PIBF1: variants seen among roughly 807,000 people sequenced by gnomAD.
The protein encoded by PIBF1 is progesterone-induced-blocking factor 1.
In PIBF1, 90 loss-of-function variants were observed where a neutral mutation model predicts 112.5. The observed-to-expected ratio is 0.80, with a 90% CI of 0.67 to 0.95. The LOEUF is 0.95. Among genes scored for constraint, PIBF1 ranks in the 40% least tolerant of loss-of-function variants. The pLI is 0.00. For synonymous variants in PIBF1, 301 were observed against 288.6 expected (o/e 1.04, Z -0.44); for missense variants, 915 against 852.3 (o/e 1.07, Z -0.92).
At chr13:72,786,131 T>C (rs1015587911) in intron 2 of PIBF1, among the ~76,000 whole-genome samples, 5 of 152,212 alleles carry the variant, frequency 3.3e-5, no homozygotes, top group African/African-American at 1.2e-4. Flanking sequence ...GCTTGGTGTA[T>C]ACTAATAATA....
chr13:72,927,935 A>G (rs2138745103), intron 13 of PIBF1, among the ~76,000 whole-genome samples: 1 of 133,120 alleles, frequency 7.5e-6, no homozygotes, highest in South Asian at 2.3e-4. Flanking sequence ...ACCATTTCTA[A>G]TATATGTGTG....
rs1381043242 is a variant in PIBF1, at chr13:72,783,701, A to C, written c.232A>C (p.Lys78Gln). ...GAAAACTATGATGATCGACAATTTG[A>C]AAGTGGATTATCTTACAAAGGTAAG... ...SQKTMMIDNL[K>Q]VDYLTKIEEL... The change falls in exon 2 of 18, where the codon AAA becomes CAA. Residue 78 changes from lysine (K) to glutamine (Q), a missense_variant. By Grantham distance (53) the Lys-to-Gln change is moderately conservative (BLOSUM62 1). Coordinates refer to ENST00000326291, the MANE Select transcript of PIBF1 (RefSeq NM_006346.4). 5.0e-6 allele frequency: 8 copies of C among 1,613,842 alleles called. 1 individual carries two copies. The Admixed American group carries it at 1.0e-4, about 20-fold the overall frequency.
At chr13:72,952,196 G>A (rs2042318825) in intron 14 of PIBF1, among the ~76,000 whole-genome samples, 1 of 151,848 alleles carries the variant, frequency 6.6e-6, no homozygotes, top group East Asian at 1.9e-4. Context: ...TGGGATTACA[G>A]GCACACACCA....
At chr13:72,925,091 A>T (rs951859336) in intron 13 of PIBF1, among the ~76,000 whole-genome samples, 11 of 152,212 alleles carry the variant, frequency 7.2e-5, no homozygotes, top group Admixed American at 2.0e-4. Context: ...GAGATTATAG[A>T]GGGTCTTGAT....
At chr13:72,959,301 T>C (rs2042542251) in intron 14 of PIBF1, among the ~76,000 whole-genome samples, 1 of 152,016 alleles carries the variant, frequency 6.6e-6, no homozygotes, top group African/African-American at 2.4e-5. Context: ...CAGCCAGAAA[T>C]CACTATTTTT....
intron 10 of PIBF1, among the ~76,000 whole-genome samples, chr13:72,864,171 T>C (rs1345238961): frequency 2.0e-5 from 3 of 152,188 alleles, no homozygotes; most frequent in African/African-American, 7.2e-5. Flanking sequence ...CGGATATATA[T>C]TTAAGTGTGT....
chr13:72,868,075 G>A (rs1007237934), intron 10 of PIBF1, among the ~76,000 whole-genome samples: 1 of 152,120 alleles, frequency 6.6e-6, no homozygotes, highest in African/African-American at 2.4e-5. Context: ...TGAGGCAGGA[G>A]GATTACTGGA....
intron 14 of PIBF1, among the ~76,000 whole-genome samples, chr13:72,941,569 G>A (rs1023839634): frequency 2.6e-5 from 4 of 152,116 alleles, no homozygotes; most frequent in Non-Finnish European, 4.4e-5. Context: ...CTGTAAGCAC[G>A]CAGAGATTTA....
At chr13:73,010,810 C>CTTTTTTTTTTTT (rs1176079981) in intron 17 of PIBF1, among the ~76,000 whole-genome samples, 522 of 40,304 alleles carry the variant, frequency 0.013, 151 homozygotes, top group African/African-American at 0.014. Context: ...ATTAACTTTT[C>CTTTTTTTTTTTT]TTTTTTTTTT....
At chr13:72,825,806 C>A (rs775859762) in intron 6 of PIBF1, among the ~76,000 whole-genome samples, 2 of 151,782 alleles carry the variant, frequency 1.3e-5, no homozygotes, top group Non-Finnish European at 2.9e-5. Flanking sequence ...CGTGTCATGT[C>A]TGTAATCCTA....
At chr13:72,944,438 A>G in intron 14 of PIBF1, among the ~76,000 whole-genome samples, 1 of 96,302 alleles carries the variant, frequency 1.0e-5, no homozygotes, top group East Asian at 3.0e-4. Flanking sequence ...TGACAGAGCA[A>G]GACTGTCTAA....
intron 9 of PIBF1, among the ~76,000 whole-genome samples, chr13:72,845,414 C>A (rs1193028041): frequency 6.6e-6 from 1 of 152,054 alleles, no homozygotes; most frequent in Non-Finnish European, 1.5e-5. Context: ...TGGTTCCATG[C>A]CTTTGCTACT....
intron 13 of PIBF1, among the ~76,000 whole-genome samples, chr13:72,920,485 T>G (rs965064883): frequency 6.6e-6 from 1 of 152,224 alleles, no homozygotes; most frequent in Non-Finnish European, 1.5e-5. Context: ...GTCTGATACA[T>G]TTCTGAAGTT....
intron 10 of PIBF1, among the ~76,000 whole-genome samples, chr13:72,868,779 T>C (rs1461052716): frequency 3.4e-5 from 5 of 145,848 alleles, no homozygotes; most frequent in Non-Finnish European, 3.0e-5. Flanking sequence ...AGGCTACGAG[T>C]TTGAAACCAG....
intron 12 of PIBF1, among the ~76,000 whole-genome samples, chr13:72,910,387 C>T (rs1308157475): frequency 6.6e-6 from 1 of 152,160 alleles, no homozygotes; most frequent in African/African-American, 2.4e-5. Context: ...CCATTCCCCT[C>T]CATATCATAT....
chr13:72,802,618 A>G (rs1033804727), intron 5 of PIBF1, among the ~76,000 whole-genome samples: 5 of 152,218 alleles, frequency 3.3e-5, no homozygotes, highest in Non-Finnish European at 5.9e-5. Flanking sequence ...CAGCTGAGAT[A>G]GGTAGGTTGT....
At chr13:72,917,193 T>G (rs1183057906) in intron 13 of PIBF1, 27 bp downstream of exon 13, 1 of 1,342,822 alleles carries the variant, frequency 7.4e-7, no homozygotes, top group Non-Finnish European at 1.0e-6. Flanking sequence ...TTTATTTTAT[T>G]TATCTACTCA....
chr13:72,813,626 C>T (rs982273898), intron 5 of PIBF1, among the ~76,000 whole-genome samples: 2 of 152,202 alleles, frequency 1.3e-5, no homozygotes, highest in African/African-American at 4.8e-5. Flanking sequence ...CATCCTTCAA[C>T]ATGGCAGTCT....
intron 10 of PIBF1, among the ~76,000 whole-genome samples, chr13:72,866,361 A>C (rs1388148123): frequency 1.3e-5 from 2 of 152,090 alleles, no homozygotes; most frequent in Non-Finnish European, 2.9e-5. Flanking sequence ...CTTTTAATTC[A>C]TGTGAATTAT....
Sources: gnomAD v4.1 joint callset for allele counts (sites outside exome capture counted in the v4.1 genomes callset) on GRCh38, gnomAD v4.1.1 for gene constraint, MANE v1.5 for transcripts, NCBI Gene and HGNC (gene_info 2026-07-23, HGNC 2026-07-21) for gene names.